IQSEC1: variants seen among roughly 807,000 people sequenced by gnomAD.
IQSEC1 encodes IQ motif and Sec7 domain ArfGEF 1.
Under a neutral mutation model 91.0 loss-of-function variants are expected in IQSEC1, and 31 were observed. The ratio of observed to expected loss-of-function variants is 0.34; its 90% CI spans 0.26 to 0.46. The LOEUF (loss-of-function observed/expected upper bound fraction) is 0.46. Among genes scored for constraint, IQSEC1 ranks in the 20% least tolerant of loss-of-function variants. The pLI is 1.00. For missense variants in IQSEC1, 1,388 were observed against 1,575.6 expected (o/e 0.88, Z 2.02); for synonymous variants, 699 against 662.6 (o/e 1.05, Z -0.84).
At chr3:12,941,006 G>A (rs1698696130) in intron 2 of IQSEC1, among the ~76,000 whole-genome samples, 1 of 152,214 alleles carries the variant, frequency 6.6e-6, no homozygotes, top group Non-Finnish European at 1.5e-5. Flanking sequence ...CCCTGGGGGA[G>A]GGGTGCAGTC....
intron 2 of IQSEC1, among the ~76,000 whole-genome samples, chr3:13,121,841 C>T (rs995392435): frequency 6.6e-6 from 1 of 152,178 alleles, no homozygotes; most frequent in Non-Finnish European, 1.5e-5. Context: ...CAGACTAGGC[C>T]GCCTTGGGAG....
At chr3:12,903,585 A>G (rs1385198284) in intron 12 of IQSEC1, among the ~76,000 whole-genome samples, 1 of 152,212 alleles carries the variant, frequency 6.6e-6, no homozygotes, top group Non-Finnish European at 1.5e-5. Flanking sequence ...GGCACTCGGC[A>G]TGCGGGGTCC....
At chr3:13,227,809 A>C (rs1470015866) in intron 1 of IQSEC1, among the ~76,000 whole-genome samples, 1 of 152,206 alleles carries the variant, frequency 6.6e-6, no homozygotes, top group Non-Finnish European at 1.5e-5. Context: ...GGCATCTCAC[A>C]GGAAGACGTC....
chr3:13,201,447 C>T (rs1056940482), intron 1 of IQSEC1, among the ~76,000 whole-genome samples: 6 of 152,238 alleles, frequency 3.9e-5, no homozygotes, highest in African/African-American at 1.4e-4. Flanking sequence ...CCTCCCACCT[C>T]AGCCACCTGA....
chr3:12,900,679 T>G lies in IQSEC1; in HGVS notation c.*304A>C. 4 of 1,297,322 alleles carry G rather than the reference T, an allele frequency of 3.1e-6. No homozygotes were observed. The highest frequency in any genetic ancestry group is 2.9e-6 in the Non-Finnish European group (3 of 1,019,422). 80.4% of individuals were successfully genotyped at this position (1,297,322 alleles called of 1,614,324 possible). A position where few individuals can be genotyped will look rare whatever the true frequency, so the allele number is the denominator to read the frequency against. ...GGGCACAGGGAGCTGAGAGCTGGAG[T>G]GGGGGAGGCAGTTCAACACTACTTG... is the stretch of plus-strand genomic sequence containing the variant. On this transcript the variant is annotated 3_prime_UTR_variant, in exon 14 of 14. Coordinates refer to ENST00000613206, the MANE Select transcript of IQSEC1 (RefSeq NM_001134382.3).
At chr3:13,227,405 G>GAAAC (rs1559281345) in intron 1 of IQSEC1, among the ~76,000 whole-genome samples, 1 of 136,358 alleles carries the variant, frequency 7.3e-6, no homozygotes, top group African/African-American at 2.8e-5. Context: ...AAGAAAGAAA[G>GAAAC]AAAAGAAAAC....
chr3:13,037,970 A>C (rs1193495923), intron 1 of IQSEC1, among the ~76,000 whole-genome samples: 1 of 152,048 alleles, frequency 6.6e-6, no homozygotes, highest in South Asian at 2.1e-4. Context: ...AATGCCACTG[A>C]ATTGTACAAT....
Position 12,967,622 on chromosome 3 carries a change from C to A in IQSEC1, c.24-25757G>T. The A allele has an allele frequency of 8.1e-7, 1 of 1,235,748 alleles. No individual in the cohort carries two copies. The highest frequency in any genetic ancestry group is 3.2e-5 in the South Asian group (1 of 31,488). The allele number at this position is 1,235,748 out of a possible 1,614,324, so 76.5% of individuals were successfully genotyped here. ...GCTCCTGGTCCAGCGTCCGCCGGCT[C>A]CCGCGGCTCCGGCCCCAAGTCCGAG... On this transcript the variant is annotated intron_variant, in intron 1 of 13. Transcript: ENST00000613206. This position sits in a 1 kb window ranked among gnomAD's most constrained non-coding sequence, Gnocchi z 5.9.
chr3:13,113,947 G>A lies in IQSEC1; in HGVS notation c.302+50157C>T, dbSNP rs192838100. 2.7e-4 allele frequency among the ~76,000 whole-genome samples: 41 copies of A among 152,378 alleles called. No homozygotes were observed. The East Asian group carries it at 6.9e-3, about 26-fold the overall frequency. On this transcript the variant is annotated intron_variant, in intron 2 of 15. Coordinates refer to the IQSEC1 transcript ENST00000648114. ...GTCACCAAATGACTCATGTCAAAAC[G>A]TGCTGGGAGCACAGAGCCAACTGCA... is the stretch of plus-strand genomic sequence containing the variant.
chr3:13,005,886 C>T (rs1381192404), intron 1 of IQSEC1, among the ~76,000 whole-genome samples: 6 of 152,146 alleles, frequency 3.9e-5, no homozygotes, highest in African/African-American at 1.2e-4. Flanking sequence ...CTCCCTGGTC[C>T]GGTCCAGGCA....
In IQSEC1 at chr3:12,902,804, C is replaced by G; in HGVS notation, c.2774G>C (p.Ser925Thr). The change falls in exon 13 of 14, where the codon AGC becomes ACC. Residue 925 changes from serine to threonine, a missense_variant. Ser to Thr is a moderately conservative substitution (Grantham distance 58). Transcript: ENST00000613206. ...LSEAGKRGRRSSAGSLESNVE... is the reference protein window; with the variant it reads ...LSEAGKRGRRTSAGSLESNVE... ...ATTGCTCTCTAGCGATCCCGCACTG[C>G]TGCGACGCCCTCGCTTCCCTGCCCA... 6.2e-7 allele frequency: 1 copy of G among 1,613,498 alleles called. No homozygotes were observed. The highest frequency in any genetic ancestry group is 1.1e-5 in the South Asian group (1 of 91,058).
chr3:12,907,020 A>C (rs1695054123), intron 12 of IQSEC1, among the ~76,000 whole-genome samples: 1 of 152,168 alleles, frequency 6.6e-6, no homozygotes, highest in African/African-American at 2.4e-5. Context: ...AGTGACTGTC[A>C]TGACAGGGAA....
At chr3:13,170,919 G>A (rs1693595199) in intron 1 of IQSEC1, among the ~76,000 whole-genome samples, 1 of 152,146 alleles carries the variant, frequency 6.6e-6, no homozygotes. Context: ...CCAACATGGT[G>A]AAACCCCATC....
chr3:12,901,251 C>G lies in IQSEC1; in HGVS notation c.3077G>C (p.Gly1026Ala). Residue 1026 changes from glycine (G) to alanine (A), a missense_variant, in exon 14 of 14, where the codon GGG (glycine) becomes GCG (alanine). This residue lies in a region of IQSEC1 where 329 missense variants were observed against 257.8 expected (regional missense o/e 1.28). Coordinates refer to ENST00000613206, the MANE Select transcript of IQSEC1 (RefSeq NM_001134382.3). The stretch of plus-strand genomic sequence containing the variant: ...CATGTGGCAGTACTGGGTGTGATGC[C>G]CGTGCATGGCGGCCTGCGGCAGCCC... ...PEGLPQAAMH[G>A]HHTQYCHMQN... The G allele has an allele frequency of 6.5e-7, 1 of 1,548,108 alleles. No homozygotes were observed. Among genetic ancestry groups the G allele is most frequent in the East Asian group, 2.4e-5 (1 of 40,860 alleles).
chr3:12,988,672 G>C (rs1701852983), intron 1 of IQSEC1, among the ~76,000 whole-genome samples: 1 of 152,190 alleles, frequency 6.6e-6, no homozygotes, highest in South Asian at 2.1e-4. Context: ...CAATCTCTGA[G>C]GAGCAGGCTG....
At chr3:13,049,254 G>A (rs775428272) in intron 1 of IQSEC1, among the ~76,000 whole-genome samples, 11 of 152,152 alleles carry the variant, frequency 7.2e-5, no homozygotes, top group Non-Finnish European at 1.3e-4. Flanking sequence ...ATACCGATAC[G>A]ATGCGACGAA....
intron 1 of IQSEC1, among the ~76,000 whole-genome samples, chr3:12,951,062 G>C (rs995588049): frequency 6.6e-6 from 1 of 152,174 alleles, no homozygotes. Context: ...AGTTAGCTAT[G>C]ATGACATGAC....
chr3:13,086,933 C>T (rs997346495), intron 2 of IQSEC1, among the ~76,000 whole-genome samples: 1 of 152,238 alleles, frequency 6.6e-6, no homozygotes, highest in Non-Finnish European at 1.5e-5. Context: ...TCTTGGTTAT[C>T]GTGGCATCCC....
intron 3 of IQSEC1, among the ~76,000 whole-genome samples, chr3:12,931,510 G>C (rs117748396): frequency 6.6e-6 from 1 of 152,230 alleles, no homozygotes; most frequent in Admixed American, 6.5e-5. Flanking sequence ...GGGGCCTGGC[G>C]CTTGGTCCAG....
Sources: gnomAD v4.1 joint callset for allele counts (sites outside exome capture counted in the v4.1 genomes callset) on GRCh38, gnomAD v4.1.1 for gene constraint, gnomAD v4.1.1 regional missense constraint, Gnocchi (gnomAD v3.1) non-coding constraint, MANE v1.5 for transcripts, NCBI Gene and HGNC (gene_info 2026-07-23, HGNC 2026-07-21) for gene names.